Variants in PALS1 observed in about 807,000 individuals in gnomAD.
PALS1 encodes the protein protein associated with LIN7 1, MAGUK p55 family member.
In PALS1, 31 loss-of-function variants were observed where a neutral mutation model predicts 78.9. The ratio of observed to expected loss-of-function variants is 0.39; its 90% CI spans 0.30 to 0.53. The LOEUF (loss-of-function observed/expected upper bound fraction) is 0.53, where lower values mean the gene tolerates loss of function less well. Among genes scored for constraint, PALS1 ranks in the 20% least tolerant of loss-of-function variants. PALS1 has a pLI of 0.67. For missense variants in PALS1, 704 were observed against 826.5 expected (o/e 0.85, Z 1.82); for synonymous variants, 276 against 270.9 (o/e 1.02, Z -0.18).
chr14:67,321,535 T>G (rs2085265007), intron 13 of PALS1, among the ~76,000 whole-genome samples: 1 of 152,202 alleles, frequency 6.6e-6, no homozygotes, highest in Non-Finnish European at 1.5e-5. Flanking sequence ...TTCTCAGATT[T>G]TAGAATATTT....
intron 4 of PALS1, among the ~76,000 whole-genome samples, chr14:67,297,410 G>C (rs2084873815): frequency 6.6e-6 from 1 of 150,942 alleles, no homozygotes. Context: ...CTGGGTGTTA[G>C]ATAAATAGGT....
intron 1 of PALS1, among the ~76,000 whole-genome samples, chr14:67,244,088 G>A (rs763645317): frequency 2.7e-4 from 41 of 152,090 alleles, no homozygotes; most frequent in Non-Finnish European, 4.9e-4. Flanking sequence ...TTAACTGGCA[G>A]GATTCTTTCT....
intron 3 of PALS1, among the ~76,000 whole-genome samples, chr14:67,285,828 C>G (rs1257166188): frequency 6.6e-6 from 1 of 152,074 alleles, no homozygotes; most frequent in Non-Finnish European, 1.5e-5. Flanking sequence ...TTTAGACTGA[C>G]AGGAGAGGGC....
intron 3 of PALS1, chr14:67,280,084 A>G (rs1488640224): frequency 6.6e-6 from 1 of 152,258 alleles, no homozygotes; most frequent in Non-Finnish European, 1.5e-5. Flanking sequence ...AGTAGATACA[A>G]CCGAACCAAA....
intron 1 of PALS1, among the ~76,000 whole-genome samples, chr14:67,249,370 A>G (rs1373352679): frequency 6.6e-6 from 1 of 152,238 alleles, no homozygotes; most frequent in African/African-American, 2.4e-5. Flanking sequence ...TTCTAGGCCA[A>G]GCCTCACTTT....
At chr14:67,276,788 G>C (rs1454776598) in intron 2 of PALS1, among the ~76,000 whole-genome samples, 1 of 152,154 alleles carries the variant, frequency 6.6e-6, no homozygotes, top group Non-Finnish European at 1.5e-5. Context: ...AAGTATGATA[G>C]TAAATAGTAC....
At chr14:67,263,449 A>C (rs886948732) in intron 1 of PALS1, among the ~76,000 whole-genome samples, 4 of 152,262 alleles carry the variant, frequency 2.6e-5, no homozygotes, top group African/African-American at 9.6e-5. Flanking sequence ...ATAGAATTTC[A>C]TTGTTTAAAA....
At chr14:67,302,210 G>C in intron 6 of PALS1, 92 bp downstream of exon 6, 1 of 1,345,716 alleles carries the variant, frequency 7.4e-7, no homozygotes. Context: ...CTAATGAATA[G>C]AGTATTTCTG....
chr14:67,262,765 C>CT (rs1362657114), intron 1 of PALS1, among the ~76,000 whole-genome samples: 4 of 152,078 alleles, frequency 2.6e-5, no homozygotes, highest in African/African-American at 9.7e-5. Context: ...TCAACTCTGT[C>CT]TTTATCTTCT....
At chr14:67,290,774 G>C (rs2084759183) in intron 3 of PALS1, among the ~76,000 whole-genome samples, 1 of 151,986 alleles carries the variant, frequency 6.6e-6, no homozygotes, top group Admixed American at 6.6e-5. Context: ...GACTCAAGCA[G>C]TCCACCTGCT....
chr14:67,280,510 C>A (rs959776950), intron 3 of PALS1, among the ~76,000 whole-genome samples: 1 of 152,142 alleles, frequency 6.6e-6, no homozygotes, highest in Non-Finnish European at 1.5e-5. Context: ...ATCCTGTTAA[C>A]AGTACTCTGT....
chr14:67,257,079 A>G (rs987289277), intron 1 of PALS1, among the ~76,000 whole-genome samples: 1 of 152,078 alleles, frequency 6.6e-6, no homozygotes, highest in Non-Finnish European at 1.5e-5. Flanking sequence ...ATCCGGTAAG[A>G]CGGAACAACT....
At chr14:67,315,333 G>A (rs1186243704) in intron 9 of PALS1, among the ~76,000 whole-genome samples, 4 of 134,762 alleles carry the variant, frequency 3.0e-5, no homozygotes, top group Non-Finnish European at 6.1e-5. Flanking sequence ...CTGGAGTGCA[G>A]TGGCATGATC....
intron 14 of PALS1, among the ~76,000 whole-genome samples, chr14:67,330,778 C>T (rs2085436678): frequency 6.6e-6 from 1 of 152,156 alleles, no homozygotes; most frequent in Non-Finnish European, 1.5e-5. Flanking sequence ...TTCTCTTTAA[C>T]ACATGAGTTA....
At chr14:67,289,997 C>T (rs903689529) in intron 3 of PALS1, among the ~76,000 whole-genome samples, 19 of 152,094 alleles carry the variant, frequency 1.2e-4, no homozygotes, top group Non-Finnish European at 2.9e-5. Flanking sequence ...TGGTCTCGAT[C>T]TCCTGACCTC....
chr14:67,306,637 G>C (rs1455933504), intron 8 of PALS1, among the ~76,000 whole-genome samples: 1 of 152,056 alleles, frequency 6.6e-6, no homozygotes, highest in East Asian at 1.9e-4. Flanking sequence ...CCAAGTGCTG[G>C]GATTACAGGC....
At chr14:67,327,176 AAAAG>A (rs1466872383) in intron 14 of PALS1, among the ~76,000 whole-genome samples, 2 of 152,228 alleles carry the variant, frequency 1.3e-5, no homozygotes, top group African/African-American at 4.8e-5. Flanking sequence ...CTCTCAAAAA[AAAAG>A]AAAAAATTTT....
At chr14:67,252,920 G>T (rs939569894) in intron 1 of PALS1, among the ~76,000 whole-genome samples, 1 of 152,146 alleles carries the variant, frequency 6.6e-6, no homozygotes, top group Non-Finnish European at 1.5e-5. Context: ...TTTACTGGGA[G>T]GAAATCTAAC....
intron 1 of PALS1, among the ~76,000 whole-genome samples, chr14:67,266,170 T>G (rs1041268913): frequency 1.3e-5 from 2 of 152,088 alleles, no homozygotes; most frequent in Non-Finnish European, 2.9e-5. Context: ...GAATATATGT[T>G]TAAAATTAAA....
Sources: gnomAD v4.1 joint callset for allele counts (sites outside exome capture counted in the v4.1 genomes callset) on GRCh38, gnomAD v4.1.1 for gene constraint, MANE v1.5 for transcripts, NCBI Gene and HGNC (gene_info 2026-07-23, HGNC 2026-07-21) for gene names.